Variants in SHANK2 observed in about 807,000 individuals in gnomAD.
SHANK2 encodes the protein SH3 and multiple ankyrin repeat domains protein 2.
Under a neutral mutation model 133.7 loss-of-function variants are expected in SHANK2, and 43 were observed. That is an observed-to-expected ratio of 0.32 (90% CI 0.25 to 0.41). SHANK2 has a LOEUF of 0.41. SHANK2 is among the 10% of genes least tolerant of loss of function. The pLI, the probability that SHANK2 is intolerant of heterozygous loss-of-function variation, is 1.00. For synonymous variants in SHANK2, 1,017 were observed against 952.8 expected, an observed-to-expected ratio of 1.07 and a Z score of -1.24; for missense variants, 1,994 against 2,235.8, an observed-to-expected ratio of 0.89 and a Z score of 2.18.
chr11:70,586,968 G>A (rs138600451), intron 17 of SHANK2, among the ~76,000 whole-genome samples: 105 of 152,150 alleles, frequency 6.9e-4, no homozygotes, highest in African/African-American at 2.3e-3. Context: ...ACGTCACTCC[G>A]AAGATTGTTA....
chr11:70,692,628 AG>A (rs1945314679), intron 15 of SHANK2, among the ~76,000 whole-genome samples: 1 of 152,260 alleles, frequency 6.6e-6, no homozygotes, highest in South Asian at 2.1e-4. Context: ...GATTCTCTCT[AG>A]GGAGAAGAAC....
intron 2 of SHANK2, among the ~76,000 whole-genome samples, chr11:71,173,998 T>C (rs1555112681): frequency 6.6e-6 from 1 of 152,240 alleles, no homozygotes; most frequent in Non-Finnish European, 1.5e-5. Context: ...TTTCTGTTGC[T>C]GTGAGCCACT....
At chr11:71,211,543 AAAAT>A (rs1240115222) in intron 2 of SHANK2, among the ~76,000 whole-genome samples, 4 of 152,052 alleles carry the variant, frequency 2.6e-5, no homozygotes, top group African/African-American at 7.3e-5. Context: ...GTCTCAAAAA[AAAAT>A]AAATAAATAC....
At chr11:70,865,221 A>G (rs555659518) in intron 11 of SHANK2, 1 of 152,112 alleles carries the variant, frequency 6.6e-6, no homozygotes, top group Non-Finnish European at 1.5e-5. Flanking sequence ...GATACCCGTG[A>G]GAGGATTTGA....
chr11:71,092,363 G>A (rs1330324816), intron 8 of SHANK2, 59 bp downstream of exon 8: 37 of 1,538,272 alleles, frequency 2.4e-5, no homozygotes, highest in Middle Eastern at 3.5e-4. Flanking sequence ...CTGCGGGATC[G>A]GAGGAGAAGG....
intron 2 of SHANK2, among the ~76,000 whole-genome samples, chr11:71,163,072 A>T (rs1468166803): frequency 1.9e-4 from 15 of 78,564 alleles, no homozygotes; most frequent in South Asian, 5.0e-4. Flanking sequence ...GACTCTGTCT[A>T]AAAAAAAAAA....
rs752946149 is a variant in SHANK2 at position 70,930,001 on chromosome 11, C to T, written c.1108-33434G>A. On this transcript the variant is annotated intron_variant, in intron 10 of 25. Transcript: ENST00000601538. ...AACACCTTCAGCTTTGAGGACCACA[C>T]GGTCTCTGTCACAGCTCCTCAACTC... Among the ~76,000 whole-genome samples, 5 of 152,154 alleles carry T rather than the reference C, an allele frequency of 3.3e-5. No homozygotes were observed. The South Asian group carries it at 8.3e-4, about 25-fold the overall frequency.
intron 17 of SHANK2, among the ~76,000 whole-genome samples, chr11:70,648,986 T>G (rs1332777336): frequency 6.6e-6 from 1 of 152,094 alleles, no homozygotes; most frequent in African/African-American, 2.4e-5. Context: ...GGAGGTGCCC[T>G]GGTAAAGCAG....
intron 12 of SHANK2, among the ~76,000 whole-genome samples, chr11:70,810,462 C>A (rs538406955): frequency 9.2e-5 from 14 of 152,318 alleles, no homozygotes; most frequent in African/African-American, 2.4e-4. Flanking sequence ...AGGAGAATCC[C>A]GGCAACCAAG....
chr11:71,065,353 G>T (rs1157119397), intron 9 of SHANK2, among the ~76,000 whole-genome samples: 18 of 144,018 alleles, frequency 1.2e-4, no homozygotes, highest in South Asian at 6.9e-4. Context: ...AAGTTGTGGG[G>T]GTGTGTGTGT....
intron 3 of SHANK2, among the ~76,000 whole-genome samples, chr11:71,130,869 CATGTAAGCAGCG>C (rs1382567316): frequency 2.0e-5 from 3 of 152,360 alleles, no homozygotes; most frequent in Admixed American, 6.5e-5. Flanking sequence ...TCTGCAAACG[CATGTAAGCAGCG>C]TTCAGCAAGA....
chr11:71,141,943 G>A (rs528642254), intron 3 of SHANK2, among the ~76,000 whole-genome samples: 88 of 151,336 alleles, frequency 5.8e-4, no homozygotes, highest in Admixed American at 1.6e-3. Flanking sequence ...CAAGAAAGAC[G>A]GCATGCAAAC....
At chr11:71,151,116 T>C (rs1952788791) in intron 2 of SHANK2, among the ~76,000 whole-genome samples, 2 of 152,050 alleles carry the variant, frequency 1.3e-5, no homozygotes. Context: ...CCCCTCACCA[T>C]CCAGGTACAC....
At chr11:71,076,392 CT>C (rs1951219902) in intron 8 of SHANK2, among the ~76,000 whole-genome samples, 5 of 151,908 alleles carry the variant, frequency 3.3e-5, no homozygotes, top group African/African-American at 9.7e-5. Flanking sequence ...ATTTCACCTT[CT>C]CAGGGTCCAC....
chr11:70,477,499 ATAG>A (rs1555150441), intron 25 of SHANK2: 1 of 152,212 alleles, frequency 6.6e-6, no homozygotes, highest in African/African-American at 2.4e-5. Flanking sequence ...AAGAAAGAAA[ATAG>A]TAGCATTGGA....
chr11:70,699,665 C>G (rs1771727378), intron 14 of SHANK2, among the ~76,000 whole-genome samples: 1 of 152,216 alleles, frequency 6.6e-6, no homozygotes, highest in South Asian at 2.1e-4. Flanking sequence ...TGCACATTTG[C>G]AGTTCAAAAG....
intron 10 of SHANK2, among the ~76,000 whole-genome samples, chr11:70,917,145 A>G (rs1237795058): frequency 2.0e-5 from 3 of 152,176 alleles, no homozygotes; most frequent in Non-Finnish European, 2.9e-5. Flanking sequence ...TCCAAACATC[A>G]CAGGAAGTTA....
chr11:71,072,242 C>A, intron 9 of SHANK2, among the ~76,000 whole-genome samples: 1 of 152,050 alleles, frequency 6.6e-6, no homozygotes. Context: ...GCCGCCCCCA[C>A]CACTTAACCC....
At chr11:70,732,774 A>G (rs929817374) in intron 14 of SHANK2, among the ~76,000 whole-genome samples, 1 of 152,098 alleles carries the variant, frequency 6.6e-6, no homozygotes, top group Admixed American at 6.5e-5. Context: ...CTGCCTAGGA[A>G]GCCTGCCCTC....
Sources: gnomAD v4.1 joint callset for allele counts (sites outside exome capture counted in the v4.1 genomes callset) on GRCh38, gnomAD v4.1.1 for gene constraint, MANE v1.5 for transcripts, NCBI Gene and HGNC (gene_info 2026-07-23, HGNC 2026-07-21) for gene names.